FAM186B: variants seen among roughly 807,000 people sequenced by gnomAD.
The protein encoded by FAM186B is protein FAM186B.
FAM186B carries 68 observed loss-of-function variants against 83.4 expected under a neutral mutation model. The ratio of observed to expected loss-of-function variants is 0.81; its 90% CI spans 0.67 to 1.00. FAM186B has a LOEUF of 1.00. Ranked by LOEUF, FAM186B falls within the 50% of genes least tolerant of loss-of-function variation. The pLI is 0.00. For missense variants in FAM186B, 983 were observed against 1,099.2 expected, an observed-to-expected ratio of 0.89 and a Z score of 1.49; for synonymous variants, 389 against 422.0, an observed-to-expected ratio of 0.92 and a Z score of 0.96.
upstream of FAM186B, among the ~76,000 whole-genome samples, chr12:49,607,914 G>T (rs1346543314): frequency 1.3e-5 from 2 of 151,806 alleles, no homozygotes; most frequent in African/African-American, 4.8e-5. Context: ...TGGTCAGGCT[G>T]CTCTCAAACT....
chr12:49,610,635 A>C (rs1940074413), upstream of FAM186B, among the ~76,000 whole-genome samples: 1 of 152,036 alleles, frequency 6.6e-6, no homozygotes, highest in South Asian at 2.1e-4. Flanking sequence ...CTAAAAATAC[A>C]AAAAACTAGC....
upstream of FAM186B, among the ~76,000 whole-genome samples, chr12:49,606,162 T>A (rs188059458): frequency 7.2e-5 from 11 of 152,246 alleles, no homozygotes; most frequent in Admixed American, 6.5e-4. Flanking sequence ...TTTTCCTGAA[T>A]AAAATATTTT....
intron 5 of FAM186B, among the ~76,000 whole-genome samples, chr12:49,591,594 T>C (rs1294194990): frequency 8.6e-6 from 1 of 116,762 alleles, no homozygotes; most frequent in East Asian, 2.6e-4. Context: ...CAAAATACAT[T>C]TGGATCTACA....
At chr12:49,609,908 C>T (rs1940067527), upstream of FAM186B, among the ~76,000 whole-genome samples, 1 of 152,180 alleles carries the variant, frequency 6.6e-6, no homozygotes, top group Non-Finnish European at 1.5e-5. Context: ...AGCCCATTGC[C>T]TGAGGCAACA....
intron 5 of FAM186B, among the ~76,000 whole-genome samples, chr12:49,597,095 T>G (rs1003205437): frequency 1.3e-5 from 2 of 152,224 alleles, no homozygotes; most frequent in African/African-American, 4.8e-5. Flanking sequence ...CTGCACAGAT[T>G]TGCAGCCTAG....
intron 5 of FAM186B, among the ~76,000 whole-genome samples, chr12:49,592,183 A>G (rs1939595534): frequency 6.6e-6 from 1 of 152,236 alleles, no homozygotes; most frequent in Non-Finnish European, 1.5e-5. Context: ...AAAGATTTAT[A>G]TTGTAAACCC....
chr12:49,596,485 TA>T lies in FAM186B; in HGVS notation c.2364+2269del, dbSNP rs61018488. 2.1e-3 allele frequency among the ~76,000 whole-genome samples: 300 copies of T among 145,178 alleles called. 1 individual carries two copies. The highest frequency in any genetic ancestry group is 0.014 in the Middle Eastern group (4 of 284). On this transcript the variant is annotated intron_variant, in intron 5 of 6. Coordinates refer to ENST00000257894, the MANE Select transcript of FAM186B (RefSeq NM_032130.3). ...GTTGCTCTAATAAACTTGATGTCTT[TA>T]AAAAAAAAAAGACATAAAAATGGCC...
At chr12:49,604,100 C>T (rs1048714397) in intron 2 of FAM186B, 39 of 555,468 alleles carry the variant, frequency 7.0e-5, no homozygotes, top group African/African-American at 6.2e-4. Context: ...ATAATGGACC[C>T]GTGACTTAGG....
At chr12:49,595,995 TAAATAA>T (rs934868563) in intron 5 of FAM186B, among the ~76,000 whole-genome samples, 4 of 151,894 alleles carry the variant, frequency 2.6e-5, no homozygotes, top group African/African-American at 9.7e-5. Flanking sequence ...AAAAAATAAA[TAAATAA>T]AAATAAGACT....
chr12:49,589,643 G>GA (rs542427906), intron 5 of FAM186B, among the ~76,000 whole-genome samples: 27 of 146,136 alleles, frequency 1.8e-4, no homozygotes, highest in South Asian at 1.5e-3. Flanking sequence ...AAACATCAGT[G>GA]AAAAAAAAAA....
chr12:49,587,864 T>C (rs1486277292), intron 6 of FAM186B, 112 bp from the exon 7 acceptor site: 1 of 1,197,942 alleles, frequency 8.3e-7, no homozygotes, highest in African/African-American at 1.5e-5. Context: ...CCTTCTCAAA[T>C]CGAGTGTGTC....
At chr12:49,595,523 A>G (rs113545245) in intron 5 of FAM186B, 1 of 461,862 alleles carries the variant, frequency 2.2e-6, no homozygotes, top group Non-Finnish European at 4.3e-6. Flanking sequence ...AAAATGATGA[A>G]TGGAAGCCAT....
chr12:49,610,112 C>T (rs757295729), upstream of FAM186B, among the ~76,000 whole-genome samples: 2 of 151,548 alleles, frequency 1.3e-5, no homozygotes, highest in Non-Finnish European at 2.9e-5. Context: ...GTCATTACCC[C>T]CTAGGCAGGG....
chr12:49,611,435 T>A, the FAM186B span, among the ~76,000 whole-genome samples: 1 of 151,140 alleles, frequency 6.6e-6, no homozygotes, highest in Middle Eastern at 3.2e-3. Context: ...GCACCTGTAG[T>A]CCCAGCTATT....
chr12:49,606,582 A>C (rs889987428), upstream of FAM186B, among the ~76,000 whole-genome samples: 24 of 152,182 alleles, frequency 1.6e-4, no homozygotes, highest in Non-Finnish European at 5.9e-5. Context: ...TAATAAGGAG[A>C]ACATAATTCT....
rs765425087 is a variant in FAM186B at position 49,588,436 on chromosome 12, C to G, written c.2534+18G>C. On this transcript the variant is annotated intron_variant, in intron 6 of 6. Coordinates refer to ENST00000257894, the MANE Select transcript of FAM186B (RefSeq NM_032130.3). ...TTCACCCATACAGCTGCTGCCCCCT[C>G]AGCTTCCCAGAACCTACCGGGCCAT... 1 of 1,598,498 alleles carries G rather than the reference C, an allele frequency of 6.3e-7. No homozygotes were observed. The highest frequency in any genetic ancestry group is 8.5e-7 in the Non-Finnish European group (1 of 1,170,120).
chr12:49,584,858 C>T (rs1939406726), downstream of FAM186B, among the ~76,000 whole-genome samples: 2 of 152,152 alleles, frequency 1.3e-5, no homozygotes, highest in Admixed American at 1.3e-4. Flanking sequence ...TCATTCTTTG[C>T]TCCTTCCCAC....
chr12:49,599,290 G>T (rs1939806294), intron 4 of FAM186B, among the ~76,000 whole-genome samples, 179 bp downstream of exon 4: 1 of 152,162 alleles, frequency 6.6e-6, no homozygotes, highest in Non-Finnish European at 1.5e-5. Context: ...CATCTTCAAG[G>T]GTTGCCCAAG....
chr12:49,610,432 T>C (rs1463442658), upstream of FAM186B, among the ~76,000 whole-genome samples: 2 of 152,166 alleles, frequency 1.3e-5, no homozygotes, highest in African/African-American at 2.4e-5. Flanking sequence ...AAGAAACTTC[T>C]AAAGCAATCC....
Sources: allele counts gnomAD v4.1 joint callset (sites outside exome capture counted in the v4.1 genomes callset), GRCh38; gene constraint gnomAD v4.1.1; transcripts MANE v1.5; gene names NCBI Gene and HGNC (gene_info 2026-07-23, HGNC 2026-07-21).